The following CENPP variants were observed in gnomAD, a reference collection of about 807,000 sequenced individuals.
CENPP encodes centromere protein P.
In CENPP, 24 loss-of-function variants were observed where a neutral mutation model predicts 35.6. The observed-to-expected ratio is 0.67, with a 90% CI of 0.49 to 0.95. CENPP has a LOEUF of 0.95. Ranked by LOEUF, CENPP falls within the 40% of genes least tolerant of loss-of-function variation. The pLI is 0.00. For synonymous variants in CENPP, 120 were observed against 125.5 expected (o/e 0.96, Z 0.29); for missense variants, 332 against 345.3 (o/e 0.96, Z 0.31).
At chr9:92,367,753 G>A (rs1841921542) in intron 4 of CENPP, among the ~76,000 whole-genome samples, 1 of 152,076 alleles carries the variant, frequency 6.6e-6, no homozygotes. Flanking sequence ...GAGTAGCTGG[G>A]ATTACAGGTG....
chr9:92,353,137 TAAAGGAA>T (rs1454024648), intron 4 of CENPP, among the ~76,000 whole-genome samples: 2 of 152,154 alleles, frequency 1.3e-5, no homozygotes, highest in East Asian at 3.8e-4. Context: ...TGTCACATGA[TAAAGGAA>T]AAAGGAAATA....
intron 5 of CENPP, chr9:92,460,545 C>A: frequency 6.3e-7 from 1 of 1,595,162 alleles, no homozygotes; most frequent in South Asian, 1.1e-5. Flanking sequence ...CTAAGTGAAG[C>A]TCCAATAAAG....
At chr9:92,524,062 G>C (rs1848241196) in intron 5 of CENPP, among the ~76,000 whole-genome samples, 1 of 152,196 alleles carries the variant, frequency 6.6e-6, no homozygotes. Flanking sequence ...CTGTTCTGCA[G>C]GTTTTCAAAG....
intron 5 of CENPP, among the ~76,000 whole-genome samples, chr9:92,411,379 C>A (rs1012144377): frequency 3.3e-5 from 5 of 152,170 alleles, no homozygotes. Flanking sequence ...ACTGCAATGT[C>A]CACTTGCTAG....
intron 5 of CENPP, among the ~76,000 whole-genome samples, chr9:92,447,377 A>G (rs555685559): frequency 6.6e-6 from 1 of 152,046 alleles, no homozygotes; most frequent in South Asian, 2.1e-4. Flanking sequence ...GTAGATTCTC[A>G]TAAGGAGCAT....
intron 5 of CENPP, among the ~76,000 whole-genome samples, chr9:92,383,196 C>T (rs1460622946): frequency 6.6e-6 from 1 of 152,124 alleles, no homozygotes; most frequent in Admixed American, 6.5e-5. Flanking sequence ...TTGCGCCCAG[C>T]CACACACTGT....
chr9:92,409,601 C>T (rs1304671756), intron 5 of CENPP, among the ~76,000 whole-genome samples: 1 of 152,078 alleles, frequency 6.6e-6, no homozygotes, highest in Non-Finnish European at 1.5e-5. Context: ...TATGAAGTAT[C>T]CTTCTTAAAA....
intron 5 of CENPP, among the ~76,000 whole-genome samples, chr9:92,468,618 C>G (rs1445762531): frequency 6.6e-6 from 1 of 152,148 alleles, no homozygotes; most frequent in African/African-American, 2.4e-5. Flanking sequence ...TAGTTTGATT[C>G]TCTTAAAAGA....
intron 4 of CENPP, among the ~76,000 whole-genome samples, chr9:92,367,068 G>T (rs1841905038): frequency 6.6e-6 from 1 of 152,186 alleles, no homozygotes; most frequent in African/African-American, 2.4e-5. Context: ...AACAGAACAA[G>T]AAATCATATC....
At chr9:92,401,076 T>G in intron 5 of CENPP, 1 of 1,213,888 alleles carries the variant, frequency 8.2e-7, no homozygotes, top group Non-Finnish European at 1.2e-6. Flanking sequence ...TTGAAAAATA[T>G]TTAGATGATA....
At chr9:92,496,021 T>C (rs1243812725) in intron 5 of CENPP, 1 of 1,010,226 alleles carries the variant, frequency 9.9e-7, no homozygotes, top group Non-Finnish European at 1.2e-6. Context: ...GCTGTGTTTA[T>C]TTTGTTCCAG....
intron 5 of CENPP, among the ~76,000 whole-genome samples, chr9:92,533,892 G>A (rs1046830535): frequency 5.9e-5 from 9 of 151,612 alleles, no homozygotes. Context: ...TCATCCCTTT[G>A]TAAGAAATTT....
intron 5 of CENPP, chr9:92,522,926 G>T: frequency 6.6e-7 from 1 of 1,511,044 alleles, no homozygotes; most frequent in Non-Finnish European, 8.8e-7. Context: ...AGTTAGTGGT[G>T]ACTAAATTTT....
chr9:92,449,311 G>C (rs1844634666), intron 5 of CENPP, among the ~76,000 whole-genome samples: 1 of 151,442 alleles, frequency 6.6e-6, no homozygotes, highest in South Asian at 2.1e-4. Flanking sequence ...CGTGGTGGCG[G>C]GCGCCTGTAG....
chr9:92,326,942 G>C (rs1002935282), intron 1 of CENPP, among the ~76,000 whole-genome samples: 2 of 152,182 alleles, frequency 1.3e-5, no homozygotes, highest in Non-Finnish European at 2.9e-5. Context: ...GAGATCTACA[G>C]AAAATGTCTG....
chr9:92,451,623 G>T (rs74613507), intron 5 of CENPP, among the ~76,000 whole-genome samples: 1 of 150,540 alleles, frequency 6.6e-6, no homozygotes, highest in Non-Finnish European at 1.5e-5. Context: ...AGTTTTTTCC[G>T]ATTCTGTGAA....
chr9:92,511,146 G>A (rs1563976429), intron 5 of CENPP, among the ~76,000 whole-genome samples: 1 of 152,072 alleles, frequency 6.6e-6, no homozygotes, highest in East Asian at 1.9e-4. Context: ...TGTTGTTTGA[G>A]ACAGGGTCTT....
At position 92,360,257 on chromosome 9, in the gene CENPP, G is replaced by A. The variant is rs369679564; in HGVS notation, c.467+14470G>A. Among the ~76,000 whole-genome samples the A allele has an allele frequency of 6.6e-5, 10 of 152,266 alleles. 1 individual carries two copies. The highest frequency in any genetic ancestry group is 4.6e-4 in the Admixed American group (7 of 15,290). ...TTAGATTTGATACTTTACCACTGCAGTTATAGTCTTGTGGTCCTATAACCA... is the reference window on the plus strand; with the variant it reads ...TTAGATTTGATACTTTACCACTGCAATTATAGTCTTGTGGTCCTATAACCA... On this transcript the variant is annotated intron_variant, in intron 4 of 7. Coordinates refer to ENST00000375587, the MANE Select transcript of CENPP (RefSeq NM_001012267.3).
intron 5 of CENPP, among the ~76,000 whole-genome samples, chr9:92,602,304 G>T (rs1452740851): frequency 1.3e-5 from 2 of 152,230 alleles, no homozygotes; most frequent in Non-Finnish European, 2.9e-5. Context: ...CGGGAGGAAT[G>T]ATGGAAACGG....
Sources: allele counts gnomAD v4.1 joint callset (sites outside exome capture counted in the v4.1 genomes callset), GRCh38; gene constraint gnomAD v4.1.1; transcripts MANE v1.5; gene names NCBI Gene and HGNC (gene_info 2026-07-23, HGNC 2026-07-21).